Variants in ITPR3 observed in about 807,000 individuals in gnomAD.
ITPR3 encodes inositol 1,4,5-trisphosphate-gated calcium channel ITPR3.
A neutral mutation model predicts 293.2 loss-of-function variants in ITPR3; 173 were observed. That is an observed-to-expected ratio of 0.59 (90% CI 0.52 to 0.67). The LOEUF (loss-of-function observed/expected upper bound fraction) is 0.67, where lower values mean the gene tolerates loss of function less well. ITPR3 is among the 30% of genes least tolerant of loss of function. The probability of loss-of-function intolerance (pLI) is 0.00; values close to 1 mark genes in which losing one functional copy is unlikely to be tolerated. For missense variants in ITPR3, 2,796 were observed against 3,592.1 expected (o/e 0.78, Z 5.66); for synonymous variants, 1,295 against 1,444.4 (o/e 0.90, Z 2.35).
At chr6:33,695,463 G>C (rs1198057271) in intron 57 of ITPR3, 1 of 576,320 alleles carries the variant, frequency 1.7e-6, no homozygotes, top group Non-Finnish European at 3.1e-6. Flanking sequence ...ATGAAGATGA[G>C]GCAGCCTCTG....
chr6:33,668,387 T>C, intron 16 of ITPR3, 128 bp from the exon 17 acceptor site: 1 of 1,292,636 alleles, frequency 7.7e-7, no homozygotes, highest in Non-Finnish European at 1.1e-6. Context: ...CACCCATCTC[T>C]AAGCCTTGGG....
chr6:33,663,676 C>T (rs1764535169), intron 10 of ITPR3, 62 bp from the exon 11 acceptor site: 3 of 1,609,798 alleles, frequency 1.9e-6, no homozygotes, highest in South Asian at 1.1e-5. Context: ...GGTGGGATCC[C>T]AGGTGCTTCA....
rs2127303009 is a variant in ITPR3, at chr6:33,683,407, G to C, written c.4788+10G>C. On this transcript the variant is annotated intron_variant, in intron 35 of 57. Transcript: ENST00000605930. The surrounding 1 kb of genome is among the most constrained non-coding windows in gnomAD (Gnocchi z 4.5). ...CATTGAGAAGCTGCAGGTGGGTGTG[G>C]GGCTGCCTGGCATCTGCCTCGGGAG... 1 of 1,524,522 alleles carries C rather than the reference G, an allele frequency of 6.6e-7. No individual in the cohort carries two copies. Among genetic ancestry groups the C allele is most frequent in the Non-Finnish European group, 8.9e-7 (1 of 1,128,688 alleles). 94.4% of individuals were successfully genotyped at this position (1,524,522 alleles called of 1,614,324 possible).
At position 33,677,617 on chromosome 6, in the gene ITPR3, C is replaced by T. The variant is rs1764943398; in HGVS notation, c.3636C>T (p.Ile1212=). 6.2e-7 allele frequency: 1 copy of T among 1,613,682 alleles called. No individual in the cohort carries two copies. The highest frequency in any genetic ancestry group is 1.7e-5 in the Admixed American group (1 of 59,982). ...AGGTCATGCTGGACCTGCTGCAGAT[C>T]CCCTATGACAAGGTGGCTCTGACTT... ...AHKVMLDLLQ[I]PYDKGDAKMM... Residue 1212 remains isoleucine, a synonymous_variant, in exon 28 of 58, where the codon ATC becomes ATT. Coordinates refer to ENST00000605930, the MANE Select transcript of ITPR3 (RefSeq NM_002224.4).
intron 51 of ITPR3, among the ~76,000 whole-genome samples, 154 bp downstream of exon 51, chr6:33,690,352 A>G (rs768250672): frequency 5.1e-4 from 78 of 152,130 alleles, no homozygotes; most frequent in Non-Finnish European, 2.1e-4. Context: ...CATCTGCCTG[A>G]CCCAAGCCTG....
Position 33,686,131 on chromosome 6 carries a change from G to A in ITPR3, c.5746G>A (p.Gly1916Ser), listed in dbSNP as rs1232740612. Residue 1916 changes from glycine to serine, a missense_variant, in exon 42 of 58, where the codon GGC (glycine) becomes AGC (serine). By Grantham distance (56) the Gly-to-Ser change is moderately conservative. This residue lies in a region of ITPR3 where 704 missense variants were observed against 797.5 expected (regional missense o/e 0.88). Coordinates refer to ENST00000605930, the MANE Select transcript of ITPR3 (RefSeq NM_002224.4). ...ETLQFLDIMC[G>S]STTGGLGLLG... ...GCTGCAGTTCCTGGACATCATGTGC[G>A]GCAGCACCACGGGCGGCCTGGGGCT... 6 of 1,614,066 alleles carry A rather than the reference G, an allele frequency of 3.7e-6. No homozygotes were observed. The highest frequency in any genetic ancestry group is 5.1e-6 in the Non-Finnish European group (6 of 1,180,036).
In ITPR3 at chr6:33,690,919, C is replaced by T. The variant is rs373118952; in HGVS notation, c.7035C>T (p.Leu2345=). 32 of 1,614,014 alleles carry T rather than the reference C, an allele frequency of 2.0e-5. No individual in the cohort carries two copies. Among genetic ancestry groups the T allele is most frequent in the Non-Finnish European group, 2.4e-5 (28 of 1,179,928 alleles). ...CCTATCTCAACCCCATCCTGCAGCT[C>T]TTTGACCTCATCTACCGCGAGGAGA... The part of the protein sequence containing the change: ...FAHELFYSIL[L]FDLIYREETL... The change falls in exon 52 of 58, where the codon CTC becomes CTT. Residue 2345 remains leucine, a splice_region_variant and synonymous_variant. Transcript: ENST00000605930.
In ITPR3 at chr6:33,695,829, C is replaced by T. The variant is rs371070818; in HGVS notation, c.*49C>T. On this transcript the variant is annotated 3_prime_UTR_variant, in exon 58 of 58. Coordinates refer to ENST00000605930, the MANE Select transcript of ITPR3 (RefSeq NM_002224.4). ...AGGGGATGCTCATCACTGGAGACTG[C>T]GACTGGGAAGAACACTGCCCCCTCC... 18 of 1,580,822 alleles carry T rather than the reference C, an allele frequency of 1.1e-5. No homozygotes were observed. The highest frequency in any genetic ancestry group is 5.4e-5 in the African/African-American group (4 of 74,308).
At chr6:33,630,227 G>A (rs1179456299) in intron 1 of ITPR3, among the ~76,000 whole-genome samples, 4 of 152,224 alleles carry the variant, frequency 2.6e-5, no homozygotes, top group African/African-American at 7.2e-5. Context: ...CTGGCAAGGC[G>A]GGGTTGTGGT....
chr6:33,694,700 GA>G, intron 56 of ITPR3: 2 of 553,246 alleles, frequency 3.6e-6, no homozygotes, highest in Admixed American at 3.4e-5. Flanking sequence ...CTGCCTAACG[GA>G]AGTCAGCCTG....
In ITPR3 at chr6:33,696,094, T is replaced by G; in HGVS notation, c.*314T>G. The G allele has an allele frequency of 2.9e-6, 1 of 345,658 alleles. No homozygotes were observed. The highest frequency in any genetic ancestry group is 5.4e-6 in the Non-Finnish European group (1 of 186,654). The allele number at this position is 345,658 out of a possible 1,614,324, so 21.4% of individuals were successfully genotyped here. On this transcript the variant is annotated 3_prime_UTR_variant, in exon 58 of 58. Transcript: ENST00000605930. ...AGCAATAACTGACAACTCTTTGTAG[T>G]CCTCCTTGTGGGTAGTTAAGAGTGG... is the stretch of plus-strand genomic sequence containing the variant.
At position 33,687,353 on chromosome 6, in the gene ITPR3, C is replaced by T; in HGVS notation, c.6177+26C>T. 6.4e-7 allele frequency: 1 copy of T among 1,552,410 alleles called. No individual in the cohort carries two copies. The highest frequency in any genetic ancestry group is 1.1e-5 in the South Asian group (1 of 88,384). ...GTACCAGTTCCACCCGTGGCAACGG[C>T]CATCACCCCCCTGGCCACCATACCC... On this transcript the variant is annotated intron_variant, in intron 45 of 57. Transcript: ENST00000605930. The surrounding 1 kb of genome is among the most constrained non-coding windows in gnomAD (Gnocchi z 5.3).
rs541746499 is a variant in ITPR3, at chr6:33,666,092, C to T, written c.1551+116C>T. 188 of 1,235,838 alleles carry T rather than the reference C, an allele frequency of 1.5e-4. No homozygotes were observed. The African/African-American group carries it at 2.3e-3, about 15-fold the overall frequency. 76.6% of individuals were successfully genotyped at this position (1,235,838 alleles called of 1,614,324 possible). ...AATCAGTATATATGGGGCACGACCA[C>T]GTGCCAGGGACTTCCCTAAGTACCC... On this transcript the variant is annotated intron_variant, in intron 14 of 57. Transcript: ENST00000605930. This position sits in a 1 kb window ranked among gnomAD's most constrained non-coding sequence, Gnocchi z 5.1.
rs778988396 is a variant in ITPR3 at position 33,670,484 on chromosome 6, C to A, written c.2349C>A (p.His783Gln). ...LRASFCHLML[H>Q]VHVDRDPQEL... Reference sequence around the variant, plus strand: ...CCTCCTTCTGCCACCTGATGCTGCACGTGCACGTGGACCGTGACCCCCAGG... The same window carrying A: ...CCTCCTTCTGCCACCTGATGCTGCAAGTGCACGTGGACCGTGACCCCCAGG... Residue 783 changes from histidine to glutamine, a missense_variant, in exon 19 of 58, where the codon CAC becomes CAA. Coordinates refer to ENST00000605930, the MANE Select transcript of ITPR3 (RefSeq NM_002224.4). This position sits in a 1 kb window ranked among gnomAD's most constrained non-coding sequence, Gnocchi z 6.7. 1 of 1,613,900 alleles carries A rather than the reference C, an allele frequency of 6.2e-7. No individual in the cohort carries two copies. The highest frequency in any genetic ancestry group is 8.5e-7 in the Non-Finnish European group (1 of 1,180,008).
chr6:33,690,042 C>G lies in ITPR3; in HGVS notation c.6876C>G (p.Asn2292Lys), dbSNP rs751208570. The change falls in exon 51 of 58, where the codon AAC becomes AAG. Residue 2292 changes from asparagine (N) to lysine (K), a missense_variant. Physicochemically the swap from Asn to Lys is moderately conservative, Grantham distance 94. This residue lies in a region of ITPR3 where 568 missense variants were observed against 796.1 expected (regional missense o/e 0.71). Coordinates refer to ENST00000605930, the MANE Select transcript of ITPR3 (RefSeq NM_002224.4). ...CTTGCACTCGCCCCCAGCTGACCAA[C>G]AAGATCGTGTTTGTGGTGAGCTTCG... is the stretch of plus-strand genomic sequence containing the variant. Reference protein sequence around the residue: ...LNILGALNLTNKIVFVVSFVG... With the variant: ...LNILGALNLTKKIVFVVSFVG... 2 of 1,614,218 alleles carry G rather than the reference C, an allele frequency of 1.2e-6. No individual in the cohort carries two copies. Among genetic ancestry groups the G allele is most frequent in the Admixed American group, 3.3e-5 (2 of 60,026 alleles).
rs1318195125 is a variant in ITPR3, at chr6:33,638,834, G to A, written c.90-1650G>A. ...ACCAGGTGCCGGAACATGAAGGAGG[G>A]AGGCCCACAGGGGCTGGCCAAGGAA... On this transcript the variant is annotated intron_variant, in intron 1 of 57. Coordinates refer to ENST00000605930, the MANE Select transcript of ITPR3 (RefSeq NM_002224.4). This position sits in a 1 kb window ranked among gnomAD's most constrained non-coding sequence, Gnocchi z 4.3. Among the ~76,000 whole-genome samples the A allele has an allele frequency of 2.6e-5, 4 of 152,212 alleles. No homozygotes were observed. The highest frequency in any genetic ancestry group is 4.8e-5 in the African/African-American group (2 of 41,460).
intron 29 of ITPR3, 37 bp from the exon 30 acceptor site, chr6:33,678,602 G>GGGGGGGGGGGGGGGGGGGGC: frequency 6.9e-7 from 1 of 1,455,516 alleles, no homozygotes; most frequent in Non-Finnish European, 9.5e-7. Context: ...TGGGGGCGGG[G>GGGGGGGGGGGGGGGGGGGGC]CCCAGATCTC....
Position 33,655,831 on chromosome 6 carries a change from C to T in ITPR3, c.226C>T (p.Gln76Ter). The T allele has an allele frequency of 1.2e-6, 2 of 1,614,102 alleles. No individual in the cohort carries two copies. Among genetic ancestry groups the T allele is most frequent in the Non-Finnish European group, 1.7e-6 (2 of 1,180,004 alleles). The change falls in exon 3 of 58, where the codon CAG becomes TAG. Residue 76 changes from glutamine to a stop codon, truncating the protein, a stop_gained. Transcript: ENST00000605930. LOFTEE classifies it high-confidence loss of function. This position sits in a 1 kb window ranked among gnomAD's most constrained non-coding sequence, Gnocchi z 4.9. ...CCAGAAGCAGTACTGGAAGGCCAAG[C>T]AGACTAAGCAGGACAAGGAGAAGAT... ...SAQKQYWKAKQTKQDKEKIAD... is the reference protein window; with the variant it reads ...SAQKQYWKAK
rs116755231 is a variant in ITPR3 at position 33,663,976 on chromosome 6, C to T, written c.1148+96C>T. 603 of 1,468,758 alleles carry T rather than the reference C, an allele frequency of 4.1e-4. 4 individuals carry two copies. In the African/African-American group the frequency reaches 7.6e-3, roughly 18 times the overall value. 91.0% of individuals were successfully genotyped at this position (1,468,758 alleles called of 1,614,324 possible). A position where few individuals can be genotyped will look rare whatever the true frequency, so the allele number is the denominator to read the frequency against. ...TCTGGATCCCCCACTCCTCCGCCCTCCTGCGGTCCTTTAGCCTCTGGGGTC... is the reference window on the plus strand; with the variant it reads ...TCTGGATCCCCCACTCCTCCGCCCTTCTGCGGTCCTTTAGCCTCTGGGGTC... On this transcript the variant is annotated intron_variant, in intron 11 of 57. Coordinates refer to ENST00000605930, the MANE Select transcript of ITPR3 (RefSeq NM_002224.4).
Sources: gnomAD v4.1 joint callset for allele counts (sites outside exome capture counted in the v4.1 genomes callset) on GRCh38, gnomAD v4.1.1 for gene constraint, gnomAD v4.1.1 regional missense constraint, Gnocchi (gnomAD v3.1) non-coding constraint, MANE v1.5 for transcripts, NCBI Gene and HGNC (gene_info 2026-07-23, HGNC 2026-07-21) for gene names.